Variants in SMIM36 observed in about 807,000 individuals in gnomAD.
The protein encoded by SMIM36 is small integral membrane protein 36.
At chr17:55,531,011 A>G in the SMIM36 span, among the ~76,000 whole-genome samples, 1 of 152,108 alleles carries the variant, frequency 6.6e-6, no homozygotes, top group African/African-American at 2.4e-5. Flanking sequence ...CTTCCCCACA[A>G]TCATGACAAA....
At chr17:55,481,258 G>C (rs1909516381) in intron 1 of SMIM36, among the ~76,000 whole-genome samples, 1 of 152,082 alleles carries the variant, frequency 6.6e-6, no homozygotes, top group Admixed American at 6.6e-5. Context: ...AATTCTAACA[G>C]AACTTCTTAT....
chr17:55,511,059 C>G, exon 1 of SMIM36: 1 of 398,502 alleles, frequency 2.5e-6, no homozygotes, highest in Non-Finnish European at 4.4e-6. Flanking sequence ...AGCCTCATAC[C>G]ATGGTGCTTT....
intron 1 of SMIM36, among the ~76,000 whole-genome samples, chr17:55,481,122 C>G (rs1201392743): frequency 3.3e-5 from 5 of 152,058 alleles, no homozygotes; most frequent in Non-Finnish European, 7.4e-5. Context: ...TTATCTCTCT[C>G]TCTCACACAC....
At chr17:55,474,647 G>A (rs1326732400) in intron 3 of SMIM36, among the ~76,000 whole-genome samples, 1 of 152,156 alleles carries the variant, frequency 6.6e-6, no homozygotes, top group Non-Finnish European at 1.5e-5. Flanking sequence ...ACCTGGCTTG[G>A]ATTTCCTGAT....
At chr17:55,496,289 A>G (rs2144712591) in intron 1 of SMIM36, among the ~76,000 whole-genome samples, 1 of 152,278 alleles carries the variant, frequency 6.6e-6, no homozygotes, top group Admixed American at 6.5e-5. Flanking sequence ...TGTCAACTTC[A>G]AATTGCAGTT....
At chr17:55,497,757 A>T (rs376352156) in intron 1 of SMIM36, among the ~76,000 whole-genome samples, 2 of 152,312 alleles carry the variant, frequency 1.3e-5, no homozygotes, top group South Asian at 2.1e-4. Flanking sequence ...CAGCTTGTGC[A>T]GCATCGATTT....
chr17:55,479,933 A>G (rs1200716570), intron 1 of SMIM36, among the ~76,000 whole-genome samples: 1 of 152,122 alleles, frequency 6.6e-6, no homozygotes, highest in African/African-American at 2.4e-5. Flanking sequence ...CACTGTCACA[A>G]TTTTTGCTGT....
At chr17:55,478,487 CCTAGAGAG>C (rs1247917518) in intron 3 of SMIM36, among the ~76,000 whole-genome samples, 1 of 152,112 alleles carries the variant, frequency 6.6e-6, no homozygotes, top group African/African-American at 2.4e-5. Flanking sequence ...GCCTTGACTT[CCTAGAGAG>C]CTGGGAATGC....
chr17:55,495,276 A>G (rs1909788877), intron 1 of SMIM36, among the ~76,000 whole-genome samples: 1 of 152,228 alleles, frequency 6.6e-6, no homozygotes, highest in Non-Finnish European at 1.5e-5. Flanking sequence ...CCCTCTGTAT[A>G]TTAATAGGTA....
intron 4 of SMIM36, among the ~76,000 whole-genome samples, chr17:55,451,362 C>T (rs1223873205): frequency 2.6e-5 from 4 of 152,206 alleles, no homozygotes; most frequent in Non-Finnish European, 4.4e-5. Context: ...TGAAGCAGGC[C>T]AAGATCTTTC....
rs1380102786 is a variant in SMIM36 at position 55,509,965 on chromosome 17, T to C, written c.*174+914A>G. Among the ~76,000 whole-genome samples, 3 of 152,028 alleles carry C rather than the reference T, an allele frequency of 2.0e-5. No homozygotes were observed. In the East Asian group the frequency reaches 5.8e-4, roughly 29 times the overall value. On this transcript the variant is annotated intron_variant, in intron 1 of 4. Transcript: ENST00000636752. Reference sequence around the variant, plus strand: ...TATTGGATCAGGCCGGATTTGAGGATTGGAGATTAAATTTTTTATGAGGCA... The same window carrying C: ...TATTGGATCAGGCCGGATTTGAGGACTGGAGATTAAATTTTTTATGAGGCA...
intron 1 of SMIM36, among the ~76,000 whole-genome samples, chr17:55,492,599 G>A (rs1253885099): frequency 1.3e-5 from 2 of 148,482 alleles, no homozygotes; most frequent in African/African-American, 2.5e-5. Flanking sequence ...AGTCATAGCT[G>A]AGCACAATTT....
At chr17:55,489,887 C>T (rs573225844) in intron 1 of SMIM36, among the ~76,000 whole-genome samples, 174 of 151,322 alleles carry the variant, frequency 1.1e-3, no homozygotes, top group African/African-American at 4.0e-3. Flanking sequence ...CTCGCTCTGT[C>T]GCCCCGGCTG....
intron 1 of SMIM36, among the ~76,000 whole-genome samples, chr17:55,503,826 A>G (rs1252282662): frequency 7.7e-6 from 1 of 129,860 alleles, no homozygotes; most frequent in Non-Finnish European, 1.6e-5. Context: ...TATTCAGGAA[A>G]CCCATCTCAC....
the SMIM36 span, among the ~76,000 whole-genome samples, chr17:55,525,856 C>G: frequency 6.6e-6 from 1 of 152,098 alleles, no homozygotes; most frequent in East Asian, 1.9e-4. Flanking sequence ...TGGGGTTTCT[C>G]CATGTTGGCC....
chr17:55,517,510 C>A, the SMIM36 span, among the ~76,000 whole-genome samples: 1 of 152,208 alleles, frequency 6.6e-6, no homozygotes, highest in African/African-American at 2.4e-5. Context: ...CTGCAGTGAG[C>A]TGAGATCGTG....
chr17:55,508,435 T>TATATATATATATATATATTCCTGGGA (rs1484843352), intron 1 of SMIM36, among the ~76,000 whole-genome samples: 2 of 18,726 alleles, frequency 1.1e-4, no homozygotes, highest in Admixed American at 3.9e-4. Context: ...CCTAGGAATA[T>TATATATATATATATATATTCCTGGGA]ATATATATAT....
At chr17:55,474,926 G>A (rs907570894) in intron 3 of SMIM36, among the ~76,000 whole-genome samples, 4 of 152,140 alleles carry the variant, frequency 2.6e-5, no homozygotes, top group South Asian at 2.1e-4. Context: ...ATTAGAGATA[G>A]GTTGGCCATC....
chr17:55,487,573 C>A (rs1160092120), intron 1 of SMIM36, among the ~76,000 whole-genome samples: 1 of 152,044 alleles, frequency 6.6e-6, no homozygotes, highest in Non-Finnish European at 1.5e-5. Context: ...TCAAGAAACA[C>A]CAGAACGGAG....
Sources: gnomAD v4.1 joint callset for allele counts (sites outside exome capture counted in the v4.1 genomes callset) on GRCh38, gnomAD v4.1.1 for gene constraint, MANE v1.5 for transcripts, NCBI Gene and HGNC (gene_info 2026-07-23, HGNC 2026-07-21) for gene names.